Variants in DHRSX observed in about 807,000 individuals in gnomAD.
The protein encoded by DHRSX is dehydrogenase/reductase X-linked, also known as polyprenol dehydrogenase.
DHRSX carries 31 observed loss-of-function variants against 34.0 expected under a neutral mutation model. The observed-to-expected ratio is 0.91, with a 90% confidence interval of 0.69 to 1.23. The LOEUF (loss-of-function observed/expected upper bound fraction) is 1.23. DHRSX is among the 50% of genes most tolerant of loss of function. The probability of loss-of-function intolerance (pLI) is 0.00; values close to 1 mark genes in which losing one functional copy is unlikely to be tolerated. For missense variants in DHRSX, 414 were observed against 428.1 expected (o/e 0.97, Z 0.29); for synonymous variants, 201 against 183.8 (o/e 1.09, Z -0.76).
chrX:2,282,614 A>AGGGGAGAGAGAAGAAAG (rs2041724440), intron 4 of DHRSX, among the ~76,000 whole-genome samples: 1 of 126,512 alleles, frequency 7.9e-6, no homozygotes, highest in Non-Finnish European at 1.6e-5. Context: ...GAGAAGAAAG[A>AGGGGAGAGAGAAGAAAG]GGGGAGGGAG....
intron 1 of DHRSX, among the ~76,000 whole-genome samples, chrX:2,439,323 C>T (rs1261048694): frequency 2.6e-5 from 4 of 152,084 alleles, no homozygotes; most frequent in African/African-American, 9.7e-5. Context: ...CATATATTCA[C>T]ACATTACAGA....
chrX:2,417,540 G>C (rs2043711494), intron 2 of DHRSX, among the ~76,000 whole-genome samples: 1 of 151,468 alleles, frequency 6.6e-6, no homozygotes, highest in African/African-American at 2.4e-5. Context: ...TATCCACTAG[G>C]CCTCATCATG....
chrX:2,341,985 T>C (rs1032774908), intron 3 of DHRSX, among the ~76,000 whole-genome samples: 2 of 152,048 alleles, frequency 1.3e-5, no homozygotes, highest in African/African-American at 4.8e-5. Context: ...TTTGTATTTT[T>C]AGTAGACATG....
In DHRSX at chrX:2,243,157, G is replaced by C. The variant is rs142525989; in HGVS notation, c.670C>G (p.Arg224Gly). The stretch of plus-strand genomic sequence containing the variant: ...TGGCTTCCCTCAGCCGCCAGCAGCC[G>C]CTGGAGGTGGTAGGTGAACAGGACA... Reference protein sequence around the residue: ...ALVLFTYHLQRLLAAEGSHVT... With the variant: ...ALVLFTYHLQGLLAAEGSHVT... The change falls in exon 6 of 7, where the codon CGG (arginine) becomes GGG (glycine). Residue 224 changes from arginine (R) to glycine (G), a missense_variant. Arg to Gly is a moderately radical substitution (Grantham distance 125, BLOSUM62 -2). Coordinates refer to ENST00000334651, the MANE Select transcript of DHRSX (RefSeq NM_145177.3). 6.2e-7 allele frequency: 1 copy of C among 1,613,934 alleles called. No individual in the cohort carries two copies. The highest frequency in any genetic ancestry group is 8.5e-7 in the Non-Finnish European group (1 of 1,179,864).
intron 1 of DHRSX, among the ~76,000 whole-genome samples, chrX:2,443,553 A>T (rs2044088820): frequency 6.6e-6 from 1 of 151,994 alleles, no homozygotes; most frequent in Non-Finnish European, 1.5e-5. Flanking sequence ...ATGACAGGGG[A>T]AATGATGGAT....
chrX:2,468,859 C>G (rs751348387), intron 1 of DHRSX, among the ~76,000 whole-genome samples: 3 of 151,352 alleles, frequency 2.0e-5, no homozygotes, highest in South Asian at 4.2e-4. Flanking sequence ...GCTAAGGGAC[C>G]ACCGCCATGT....
intron 1 of DHRSX, among the ~76,000 whole-genome samples, chrX:2,483,557 C>T (rs2044806948): frequency 6.6e-6 from 1 of 152,116 alleles, no homozygotes; most frequent in South Asian, 2.1e-4. Context: ...GCATGAGAGC[C>T]ACTGCACCTG....
intron 4 of DHRSX, among the ~76,000 whole-genome samples, chrX:2,277,071 A>G (rs1331769152): frequency 4.0e-5 from 3 of 74,540 alleles, no homozygotes; most frequent in Non-Finnish European, 8.0e-5. Flanking sequence ...AATAGGGGGA[A>G]AGAGAGAAAG....
Position 2,388,427 on chromosome X carries a change from G to A in DHRSX, c.286+20318C>T, listed in dbSNP as rs6642003. Among the ~76,000 whole-genome samples, 66 of 152,216 alleles carry A rather than the reference G, an allele frequency of 4.3e-4. 1 individual carries two copies. In the East Asian group the frequency reaches 0.013, roughly 29 times the overall value. On this transcript the variant is annotated intron_variant, in intron 3 of 6. Transcript: ENST00000334651. ...CAATGGGACTGGCTCCTTATAAGAA[G>A]AGGAGATGAGGACACAGACACACAC...
chrX:2,413,322 A>G (rs757476367), intron 2 of DHRSX, among the ~76,000 whole-genome samples: 1 of 144,666 alleles, frequency 6.9e-6, no homozygotes, highest in Admixed American at 7.1e-5. Flanking sequence ...CAAGAGATCT[A>G]TTGTACTTAA....
intron 5 of DHRSX, among the ~76,000 whole-genome samples, chrX:2,249,354 G>A (rs980162104): frequency 8.4e-5 from 12 of 142,516 alleles, no homozygotes; most frequent in Non-Finnish European, 1.3e-4. Flanking sequence ...CACCATGCCC[G>A]GCTTTTTTTT....
intron 4 of DHRSX, among the ~76,000 whole-genome samples, chrX:2,283,340 C>G (rs73185742): frequency 0.16 from 24,508 of 151,946 alleles, 2,640 homozygotes; most frequent in Non-Finnish European, 0.23. Context: ...GAGGAAACCA[C>G]TACGGAACAG....
chrX:2,444,401 C>A (rs1383726571), intron 1 of DHRSX, among the ~76,000 whole-genome samples: 1 of 152,102 alleles, frequency 6.6e-6, no homozygotes, highest in Non-Finnish European at 1.5e-5. Flanking sequence ...TCTTAGAGGC[C>A]GTGTTTAAGG....
chrX:2,297,904 C>T (rs112582159), intron 3 of DHRSX, among the ~76,000 whole-genome samples: 12,188 of 151,814 alleles, frequency 0.08, 1,627 homozygotes, highest in African/African-American at 0.28. Context: ...TACAGGCACC[C>T]GCCACCACGC....
chrX:2,327,470 G>A (rs781551252), intron 3 of DHRSX, among the ~76,000 whole-genome samples: 1 of 152,328 alleles, frequency 6.6e-6, no homozygotes, highest in African/African-American at 2.4e-5. Flanking sequence ...GCATCACCTT[G>A]TTGTAAGGCC....
At chrX:2,310,517 G>A (rs1001403281) in intron 3 of DHRSX, among the ~76,000 whole-genome samples, 11 of 151,324 alleles carry the variant, frequency 7.3e-5, no homozygotes, top group African/African-American at 2.7e-4. Flanking sequence ...AGACGCTGCA[G>A]CGAGATTATT....
chrX:2,477,348 G>A lies in DHRSX; in HGVS notation c.109+23469C>T, dbSNP rs181718065. On this transcript the variant is annotated intron_variant, in intron 1 of 6. Coordinates refer to ENST00000334651, the MANE Select transcript of DHRSX (RefSeq NM_145177.3). ...CAGCATCCTCACCAGCCTCAGGAAC[G>A]TGGCACAGTCAGCTCGCCACACGGG... is the stretch of plus-strand genomic sequence containing the variant. Among the ~76,000 whole-genome samples, 518 of 152,310 alleles carry A rather than the reference G, an allele frequency of 3.4e-3. 3 individuals carry two copies. The highest frequency in any genetic ancestry group is 5.4e-3 in the Non-Finnish European group (367 of 68,028).
chrX:2,359,267 CATCA>C (rs2042897072), intron 3 of DHRSX, among the ~76,000 whole-genome samples: 1 of 152,176 alleles, frequency 6.6e-6, no homozygotes, highest in African/African-American at 2.4e-5. Flanking sequence ...CCCAAAGGAA[CATCA>C]ATCATTCTGT....
intron 3 of DHRSX, among the ~76,000 whole-genome samples, chrX:2,394,549 G>C (rs1481780973): frequency 6.6e-6 from 1 of 152,182 alleles, no homozygotes; most frequent in East Asian, 1.9e-4. Context: ...GAGGATAACA[G>C]GTTAGAGCTA....
Sources: allele counts gnomAD v4.1 joint callset (sites outside exome capture counted in the v4.1 genomes callset), GRCh38; gene constraint gnomAD v4.1.1; transcripts MANE v1.5; gene names NCBI Gene and HGNC (gene_info 2026-07-23, HGNC 2026-07-21).